The following IL13RA1 variants were observed in gnomAD, a reference collection of about 807,000 sequenced individuals.
IL13RA1 encodes the protein interleukin-13 receptor subunit alpha-1.
IL13RA1 carries 14 observed loss-of-function variants against 33.8 expected under a neutral mutation model. The observed-to-expected ratio is 0.41, with a 90% CI of 0.27 to 0.65. The LOEUF (loss-of-function observed/expected upper bound fraction) is 0.65. Ranked by LOEUF, IL13RA1 falls within the 30% of genes least tolerant of loss-of-function variation. The pLI is 0.28. For missense variants in IL13RA1, 313 were observed against 327.0 expected (o/e 0.96, Z 0.33); for synonymous variants, 116 against 115.7 (o/e 1.00, Z -0.02).
chrX:118,733,317 G>C (rs187875709), intron 1 of IL13RA1, among the ~76,000 whole-genome samples: 336 of 111,834 alleles, frequency 3.0e-3, no homozygotes, highest in African/African-American at 0.01. Flanking sequence ...TCTGTTTTTT[G>C]ATAGTAGCCA....
intron 1 of IL13RA1, among the ~76,000 whole-genome samples, chrX:118,735,696 C>T (rs1368880896): frequency 9.0e-6 from 1 of 111,707 alleles, no homozygotes; most frequent in Non-Finnish European, 1.9e-5. Flanking sequence ...TACAGATGTG[C>T]ACCACCACAC....
chrX:118,735,300 C>T (rs1289364436), intron 1 of IL13RA1, among the ~76,000 whole-genome samples: 1 of 110,433 alleles, frequency 9.1e-6, no homozygotes, highest in Non-Finnish European at 1.9e-5. Context: ...TTTTTCTATT[C>T]CCTTTTTCTT....
intron 10 of IL13RA1, among the ~76,000 whole-genome samples, chrX:118,780,826 G>A (rs1369126240): frequency 8.9e-6 from 1 of 111,942 alleles, no homozygotes; most frequent in Non-Finnish European, 1.9e-5. Flanking sequence ...GTCACATAGA[G>A]AGGCAACTGC....
chrX:118,748,804 A>G (rs2017439336), intron 3 of IL13RA1, among the ~76,000 whole-genome samples: 1 of 111,819 alleles, frequency 8.9e-6, no homozygotes, highest in Admixed American at 9.5e-5. Context: ...ATAAAGATAG[A>G]GATTTTAGGT....
intron 10 of IL13RA1, among the ~76,000 whole-genome samples, chrX:118,787,885 C>G (rs1026781241): frequency 3.6e-5 from 4 of 111,692 alleles, no homozygotes; most frequent in African/African-American, 1.3e-4. Flanking sequence ...TCATATTGTT[C>G]AAACACACAT....
intron 10 of IL13RA1, among the ~76,000 whole-genome samples, chrX:118,783,376 ATTTG>A (rs2017866761): frequency 9.0e-6 from 1 of 111,264 alleles, no homozygotes; most frequent in East Asian, 2.8e-4. Context: ...AATTGTGTGG[ATTTG>A]TTTATTTTTT....
chrX:118,766,353 A>G (rs1458499712), intron 6 of IL13RA1, among the ~76,000 whole-genome samples, 177 bp from the exon 7 acceptor site: 2 of 109,345 alleles, frequency 1.8e-5, no homozygotes, highest in African/African-American at 6.6e-5. Flanking sequence ...TTTTTTTTTC[A>G]TATGCATATG....
intron 10 of IL13RA1, among the ~76,000 whole-genome samples, chrX:118,782,927 A>G (rs1661186577): frequency 9.3e-6 from 1 of 107,689 alleles, no homozygotes; most frequent in Non-Finnish European, 1.9e-5. Flanking sequence ...TCAAGTTGCA[A>G]TGATTTTAAG....
chrX:118,738,047 C>A (rs1031756290), intron 1 of IL13RA1: 3 of 111,601 alleles, frequency 2.7e-5, no homozygotes, highest in Non-Finnish European at 5.6e-5. Context: ...CACTTAAAAT[C>A]CTAACTTTAG....
the IL13RA1 span, among the ~76,000 whole-genome samples, chrX:118,803,477 A>G: frequency 3.9e-4 from 44 of 112,395 alleles, 1 homozygote; most frequent in African/African-American, 1.3e-3. Context: ...CTACAAACTA[A>G]GGACCCTTTT....
At chrX:118,785,789 C>T (rs1200049642) in intron 10 of IL13RA1, among the ~76,000 whole-genome samples, 2 of 110,821 alleles carry the variant, frequency 1.8e-5, no homozygotes, top group African/African-American at 6.6e-5. Flanking sequence ...AGGCTGGTCT[C>T]GAACCCCTGA....
intron 8 of IL13RA1, among the ~76,000 whole-genome samples, chrX:118,769,579 A>C (rs1357639759): frequency 8.8e-6 from 1 of 113,167 alleles, no homozygotes; most frequent in African/African-American, 3.2e-5. Flanking sequence ...TAGGTATTTT[A>C]GTAGTGGTAA....
rs1201799276 is a variant in IL13RA1, at chrX:118,758,131, C to T, written c.565C>T (p.Leu189=). The T allele has an allele frequency of 1.7e-6, 2 of 1,150,879 alleles. No individual in the cohort carries two copies. The highest frequency in any genetic ancestry group is 1.8e-5 in the African/African-American group (1 of 56,286). The allele number at this position is 1,150,879 out of a possible 1,213,427, so 94.8% of individuals were successfully genotyped here. ...CCAATACTTTGGTTGTTCCTTTGAT[C>T]TGACCAAAGTGAAGGATTCCAGTTT... The part of the protein sequence containing the change: ...EGQYFGCSFD[L]TKVKDSSFEQ... The change falls in exon 5 of 11, where the codon CTG becomes TTG. Residue 189 remains leucine, a synonymous_variant. Transcript: ENST00000371666.
the IL13RA1 span, among the ~76,000 whole-genome samples, chrX:118,802,155 T>G: frequency 2.7e-5 from 3 of 111,060 alleles, no homozygotes; most frequent in Non-Finnish European, 5.7e-5. Context: ...CAGCCCCAAA[T>G]AAGGCTGGCC....
intron 1 of IL13RA1, among the ~76,000 whole-genome samples, chrX:118,728,399 T>C (rs1266351478): frequency 4.5e-5 from 5 of 111,926 alleles, no homozygotes; most frequent in African/African-American, 1.6e-4. Flanking sequence ...TTAATAAACC[T>C]TATATTTTAG....
At chrX:118,740,677 C>T (rs769278767) in intron 1 of IL13RA1, among the ~76,000 whole-genome samples, 2 of 112,009 alleles carry the variant, frequency 1.8e-5, no homozygotes, top group Non-Finnish European at 3.8e-5. Flanking sequence ...CCTGTAGTCC[C>T]AGTAACAGGC....
chrX:118,758,803 C>T (rs2017561053), intron 5 of IL13RA1: 1 of 111,315 alleles, frequency 9.0e-6, no homozygotes, highest in African/African-American at 3.3e-5. Flanking sequence ...ATCCATTAAT[C>T]GGTCAATAGA....
At chrX:118,795,129 A>G (rs765345469), downstream of IL13RA1, among the ~76,000 whole-genome samples, 2 of 105,203 alleles carry the variant, frequency 1.9e-5, no homozygotes, top group South Asian at 8.9e-4. Flanking sequence ...AGGCTGAGGC[A>G]GGAGAATGGC....
intron 4 of IL13RA1, among the ~76,000 whole-genome samples, chrX:118,754,430 G>A (rs1209628067): frequency 9.1e-6 from 1 of 109,945 alleles, no homozygotes; most frequent in African/African-American, 3.3e-5. Context: ...GAGGTCAGGA[G>A]ATCCAGACCA....
Sources: allele counts gnomAD v4.1 joint callset (sites outside exome capture counted in the v4.1 genomes callset), GRCh38; gene constraint gnomAD v4.1.1; transcripts MANE v1.5; gene names NCBI Gene and HGNC (gene_info 2026-07-23, HGNC 2026-07-21).